The following COG5 variants were observed in gnomAD, a reference collection of about 807,000 sequenced individuals.
COG5 encodes the protein conserved oligomeric Golgi complex subunit 5.
In COG5, 86 loss-of-function variants were observed where a neutral mutation model predicts 110.4. That is an observed-to-expected ratio of 0.78 (90% CI 0.65 to 0.93). The LOEUF (loss-of-function observed/expected upper bound fraction) is 0.93. Among genes scored for constraint, COG5 ranks in the 40% least tolerant of loss-of-function variants. The pLI is 0.00. For synonymous variants in COG5, 360 were observed against 334.6 expected, an observed-to-expected ratio of 1.08 and a Z score of -0.83; for missense variants, 1,077 against 987.0, an observed-to-expected ratio of 1.09 and a Z score of -1.22.
At chr7:107,520,403 T>C (rs549575903) in intron 6 of COG5, among the ~76,000 whole-genome samples, 1 of 152,282 alleles carries the variant, frequency 6.6e-6, no homozygotes, top group African/African-American at 2.4e-5. Flanking sequence ...CCCCATAGTC[T>C]CAGCCCAAAA....
intron 6 of COG5, among the ~76,000 whole-genome samples, chr7:107,413,587 T>C (rs1173406715): frequency 6.6e-6 from 1 of 151,000 alleles, no homozygotes. Context: ...CCCCAGCGAC[T>C]GCCCTTCACC....
chr7:107,558,871 G>C (rs1483245804), intron 1 of COG5, among the ~76,000 whole-genome samples: 2 of 113,180 alleles, frequency 1.8e-5, no homozygotes, highest in African/African-American at 7.0e-5. Flanking sequence ...CTGGGCGACA[G>C]AGCAAGACTC....
intron 18 of COG5, among the ~76,000 whole-genome samples, chr7:107,233,036 GTTTTC>G (rs1297168548): frequency 6.6e-6 from 1 of 152,112 alleles, no homozygotes; most frequent in Non-Finnish European, 1.5e-5. Context: ...TGATTGTCTT[GTTTTC>G]TTTTCTAAAT....
chr7:107,401,901 G>C (rs1240706392), intron 7 of COG5, among the ~76,000 whole-genome samples: 1 of 152,170 alleles, frequency 6.6e-6, no homozygotes, highest in Admixed American at 6.5e-5. Flanking sequence ...GAATCACTGT[G>C]TTCAACTTTA....
At chr7:107,553,291 C>T (rs1446099960) in intron 3 of COG5, among the ~76,000 whole-genome samples, 1 of 152,152 alleles carries the variant, frequency 6.6e-6, no homozygotes, top group African/African-American at 2.4e-5. Flanking sequence ...CTAAGTCAAT[C>T]GGTACTTAGA....
At chr7:107,513,142 T>C (rs1006396590) in intron 6 of COG5, among the ~76,000 whole-genome samples, 2 of 151,886 alleles carry the variant, frequency 1.3e-5, no homozygotes, top group Admixed American at 6.6e-5. Flanking sequence ...TTTTGCAACC[T>C]ACTCATCTGA....
intron 5 of COG5, among the ~76,000 whole-genome samples, chr7:107,529,209 T>A (rs1800999438): frequency 6.6e-6 from 1 of 152,186 alleles, no homozygotes; most frequent in Non-Finnish European, 1.5e-5. Context: ...GTCCCAACTA[T>A]GCACTTAACA....
intron 10 of COG5, among the ~76,000 whole-genome samples, chr7:107,350,667 A>C (rs2129041128): frequency 6.6e-6 from 1 of 152,318 alleles, no homozygotes; most frequent in Non-Finnish European, 1.5e-5. Flanking sequence ...GGCTAAAACT[A>C]AAAATGTGTT....
chr7:107,424,016 T>C (rs1793468917), intron 6 of COG5, among the ~76,000 whole-genome samples: 1 of 152,150 alleles, frequency 6.6e-6, no homozygotes, highest in African/African-American at 2.4e-5. Flanking sequence ...CTCACATCCA[T>C]AATCCTGACA....
chr7:107,404,032 T>C (rs1791631384), intron 7 of COG5, among the ~76,000 whole-genome samples: 1 of 152,182 alleles, frequency 6.6e-6, no homozygotes, highest in South Asian at 2.1e-4. Flanking sequence ...AAAGATCTCA[T>C]TGAATTATCA....
intron 12 of COG5, among the ~76,000 whole-genome samples, chr7:107,292,932 A>G (rs1451259876): frequency 6.6e-6 from 1 of 152,160 alleles, no homozygotes; most frequent in Admixed American, 6.5e-5. Flanking sequence ...AAAACTTTGT[A>G]ATTTTGAGTT....
rs139700595 is a variant in COG5 at position 107,221,913 on chromosome 7, G to A, written c.2168+8702C>T. ...AAGCCAAGTTTGAAACTTATCTATAGCAATTTAAGTTAGTTTTATGGTTCG... is the reference window on the plus strand; with the variant it reads ...AAGCCAAGTTTGAAACTTATCTATAACAATTTAAGTTAGTTTTATGGTTCG... On this transcript the variant is annotated intron_variant, in intron 19 of 21. Transcript: ENST00000297135. Among the ~76,000 whole-genome samples, 3 of 152,206 alleles carry A rather than the reference G, an allele frequency of 2.0e-5. No homozygotes were observed. The East Asian group carries it at 5.8e-4, about 29-fold the overall frequency.
At chr7:107,388,681 C>G (rs1274337990) in intron 7 of COG5, among the ~76,000 whole-genome samples, 2 of 152,186 alleles carry the variant, frequency 1.3e-5, no homozygotes, top group African/African-American at 4.8e-5. Flanking sequence ...ATAAAACCTG[C>G]AGTTTCATGG....
intron 6 of COG5, among the ~76,000 whole-genome samples, chr7:107,428,046 G>A (rs1339451739): frequency 2.6e-5 from 4 of 152,066 alleles, no homozygotes; most frequent in African/African-American, 9.7e-5. Flanking sequence ...CCACTCAAAG[G>A]TGGGCTCGAC....
chr7:107,325,421 C>G (rs571268271), intron 10 of COG5, among the ~76,000 whole-genome samples: 1 of 152,132 alleles, frequency 6.6e-6, no homozygotes, highest in Non-Finnish European at 1.5e-5. Context: ...GAGGCCAAGG[C>G]GGATGGATTA....
chr7:107,269,332 G>T (rs527667066), intron 14 of COG5, among the ~76,000 whole-genome samples: 2 of 151,968 alleles, frequency 1.3e-5, no homozygotes, highest in Non-Finnish European at 2.9e-5. Flanking sequence ...AAAATTAGCC[G>T]GGTGTGGTGG....
rs868742948 is a variant in COG5, at chr7:107,344,066, G to C, written c.1026+17967C>G. Among the ~76,000 whole-genome samples, 3 of 152,198 alleles carry C rather than the reference G, an allele frequency of 2.0e-5. No individual in the cohort carries two copies. In the South Asian group the frequency reaches 6.2e-4, roughly 32 times the overall value. The stretch of plus-strand genomic sequence containing the variant: ...CACTGGTTTCCACTTAATGTTACCA[G>C]GGGCATTAGACCTAAAAATAGAATC... On this transcript the variant is annotated intron_variant, in intron 10 of 21. Coordinates refer to ENST00000297135, the MANE Select transcript of COG5 (RefSeq NM_006348.5).
At chr7:107,216,512 T>A (rs986891061) in intron 19 of COG5, among the ~76,000 whole-genome samples, 1 of 152,172 alleles carries the variant, frequency 6.6e-6, no homozygotes, top group African/African-American at 2.4e-5. Context: ...CAAACCAAGT[T>A]TGAACAAATT....
chr7:107,241,315 AGTT>A, intron 17 of COG5, among the ~76,000 whole-genome samples: 1 of 151,860 alleles, frequency 6.6e-6, no homozygotes, highest in South Asian at 2.1e-4. Flanking sequence ...GGTAATCAGC[AGTT>A]ATATAATCCT....
Sources: allele counts gnomAD v4.1 joint callset (sites outside exome capture counted in the v4.1 genomes callset), GRCh38; gene constraint gnomAD v4.1.1; transcripts MANE v1.5; gene names NCBI Gene and HGNC (gene_info 2026-07-23, HGNC 2026-07-21).